Variants in PDE1A observed in about 807,000 individuals in gnomAD.
The protein encoded by PDE1A is phosphodiesterase 1A, also known as dual specificity calcium/calmodulin-dependent 3',5'-cyclic nucleotide phosphodiesterase 1A.
Under a neutral mutation model 61.7 loss-of-function variants are expected in PDE1A, and 35 were observed. That is an observed-to-expected ratio of 0.57 (90% CI 0.43 to 0.75). The LOEUF (loss-of-function observed/expected upper bound fraction) is 0.75, where lower values mean the gene tolerates loss of function less well. Among genes scored for constraint, PDE1A ranks in the 30% least tolerant of loss-of-function variants. The pLI is 0.00. For missense variants in PDE1A, 597 were observed against 630.6 expected (o/e 0.95, Z 0.57); for synonymous variants, 232 against 213.2 (o/e 1.09, Z -0.77).
At chr2:182,478,423 C>T (rs981219368) in intron 2 of PDE1A, among the ~76,000 whole-genome samples, 2 of 151,788 alleles carry the variant, frequency 1.3e-5, no homozygotes, top group African/African-American at 4.8e-5. Flanking sequence ...GGACAATGTC[C>T]AGCCTCAGTA....
chr2:182,692,750 G>T, the PDE1A span, among the ~76,000 whole-genome samples: 2 of 150,148 alleles, frequency 1.3e-5, no homozygotes, highest in Non-Finnish European at 3.0e-5. Context: ...AAACAATCTG[G>T]ACTTGAAAAC....
the PDE1A span, among the ~76,000 whole-genome samples, chr2:182,584,774 C>G: frequency 2.0e-5 from 3 of 152,196 alleles, no homozygotes; most frequent in Admixed American, 6.5e-5. Context: ...CCTGGCTACA[C>G]CAGGGCATTG....
At chr2:182,460,993 T>A (rs575842850) in intron 2 of PDE1A, among the ~76,000 whole-genome samples, 3 of 152,142 alleles carry the variant, frequency 2.0e-5, no homozygotes, top group Non-Finnish European at 4.4e-5. Context: ...TCAAATGAAC[T>A]AAGGAAAAAT....
intron 1 of PDE1A, among the ~76,000 whole-genome samples, chr2:182,396,026 G>A (rs147770943): frequency 0.011 from 1,686 of 152,276 alleles, 22 homozygotes; most frequent in Non-Finnish European, 0.016. Context: ...GTATATACGC[G>A]ATCAGGCTTG....
intron 1 of PDE1A, among the ~76,000 whole-genome samples, chr2:182,317,787 T>A (rs528792696): frequency 2.0e-5 from 3 of 152,116 alleles, no homozygotes; most frequent in African/African-American, 7.2e-5. Flanking sequence ...AAATTCTGGG[T>A]GGGAAAATAA....
chr2:182,635,674 A>C, the PDE1A span, among the ~76,000 whole-genome samples: 83,482 of 140,776 alleles, frequency 0.59, 23,934 homozygotes, highest in Admixed American at 0.69. Context: ...AAGAGTATCT[A>C]TCTCTCTCTC....
At chr2:182,151,954 G>A (rs1690803450) in intron 13 of PDE1A, among the ~76,000 whole-genome samples, 1 of 152,142 alleles carries the variant, frequency 6.6e-6, no homozygotes, top group South Asian at 2.1e-4. Flanking sequence ...AATAGCCTAG[G>A]TGAATTTGGG....
intron 13 of PDE1A, 65 bp from the exon 14 acceptor site, chr2:182,147,217 T>C: frequency 1.2e-6 from 1 of 868,252 alleles, no homozygotes; most frequent in Non-Finnish European, 1.8e-6. Flanking sequence ...ACTAATAAGG[T>C]TAGGAGACTG....
rs2125966904 is a variant in PDE1A at position 182,514,638 on chromosome 2, A to G, written c.101+7638T>C. Among the ~76,000 whole-genome samples the G allele has an allele frequency of 1.3e-5, 2 of 152,210 alleles. 1 individual carries two copies. The highest frequency in any genetic ancestry group is 3.9e-4 in the East Asian group (2 of 5,180). ...CATATGCAGAATATTTAAACTGGAC[A>G]CCTTCTTTTCACCATATACAAAAAT... On this transcript the variant is annotated intron_variant, in intron 2 of 14. Transcript: ENST00000410103.
the PDE1A span, among the ~76,000 whole-genome samples, chr2:182,538,018 A>G: frequency 6.6e-6 from 1 of 151,892 alleles, no homozygotes. Flanking sequence ...CTTCCCCTGC[A>G]CTCTCTTTCC....
At chr2:182,211,037 A>G (rs1402156285) in intron 7 of PDE1A, among the ~76,000 whole-genome samples, 1 of 152,212 alleles carries the variant, frequency 6.6e-6, no homozygotes, top group Non-Finnish European at 1.5e-5. Flanking sequence ...CAGAGAGTGC[A>G]AGAGAGCAAA....
chr2:182,246,402 T>C (rs1050252661), intron 2 of PDE1A, among the ~76,000 whole-genome samples: 9 of 84,662 alleles, frequency 1.1e-4, no homozygotes, highest in Non-Finnish European at 1.9e-4. Context: ...TTCTTTTTTC[T>C]TTCTTTTTTT....
At chr2:182,626,980 C>A in the PDE1A span, among the ~76,000 whole-genome samples, 6 of 12,622 alleles carry the variant, frequency 4.8e-4, no homozygotes, top group East Asian at 6.0e-3. Context: ...AAAAAAAAAA[C>A]CAAAGGACAA....
intron 1 of PDE1A, among the ~76,000 whole-genome samples, chr2:182,316,728 A>G (rs1421572784): frequency 6.6e-6 from 1 of 152,186 alleles, no homozygotes; most frequent in East Asian, 1.9e-4. Flanking sequence ...ACTTTCAGTA[A>G]CTGTTATGCA....
chr2:182,644,112 C>G, the PDE1A span, among the ~76,000 whole-genome samples: 1 of 121,724 alleles, frequency 8.2e-6, no homozygotes, highest in African/African-American at 2.9e-5. Context: ...GAGATACCTT[C>G]TCTCTAATCA....
the PDE1A span, among the ~76,000 whole-genome samples, chr2:182,532,699 T>C: frequency 1.3e-5 from 2 of 152,134 alleles, no homozygotes; most frequent in Non-Finnish European, 2.9e-5. Flanking sequence ...GGCTCACGCC[T>C]GTAATCCCAG....
chr2:182,671,434 G>A, the PDE1A span, among the ~76,000 whole-genome samples: 6 of 141,586 alleles, frequency 4.2e-5, no homozygotes, highest in South Asian at 4.6e-4. Context: ...GTGATCCACC[G>A]GTCTCAACCT....
chr2:182,387,009 C>T (rs1029542264), intron 1 of PDE1A, among the ~76,000 whole-genome samples: 6 of 152,208 alleles, frequency 3.9e-5, no homozygotes, highest in African/African-American at 1.2e-4. Flanking sequence ...ATAGAGAGAT[C>T]GGATTATTGC....
chr2:182,576,523 A>C, the PDE1A span, among the ~76,000 whole-genome samples: 1 of 152,310 alleles, frequency 6.6e-6, no homozygotes, highest in African/African-American at 2.4e-5. Context: ...GTGGCTATGA[A>C]CATCAGTGTA....
Sources: gnomAD v4.1 joint callset for allele counts (sites outside exome capture counted in the v4.1 genomes callset) on GRCh38, gnomAD v4.1.1 for gene constraint, MANE v1.5 for transcripts, NCBI Gene and HGNC (gene_info 2026-07-23, HGNC 2026-07-21) for gene names.